Variants in MICU1 observed in about 807,000 individuals in gnomAD.
MICU1 encodes the protein mitochondrial calcium uptake 1, also known as calcium uptake protein 1, mitochondrial.
A neutral mutation model predicts 56.8 loss-of-function variants in MICU1; 45 were observed. That is an observed-to-expected ratio of 0.79 (90% confidence interval 0.62 to 1.02). MICU1 has a LOEUF of 1.02. Ranked by LOEUF, MICU1 falls within the 50% of genes least tolerant of loss-of-function variation. The probability of loss-of-function intolerance (pLI) is 0.00; values close to 1 mark genes in which losing one functional copy is unlikely to be tolerated. For synonymous variants in MICU1, 186 were observed against 195.1 expected, an observed-to-expected ratio of 0.95 and a Z score of 0.39; for missense variants, 504 against 587.1, an observed-to-expected ratio of 0.86 and a Z score of 1.46.
Position 72,508,320 on chromosome 10 carries a change from G to C in MICU1, c.538-51C>G, listed in dbSNP as rs553664754. The C allele has an allele frequency of 6.8e-6, 5 of 730,440 alleles. No homozygotes were observed. The East Asian group carries it at 1.4e-4, about 21-fold the overall frequency. The allele number at this position is 730,440 out of a possible 1,614,324, so 45.2% of individuals were successfully genotyped here. ...AAGACAAAAATATATAAGTGAATTA[G>C]AATATAAATAGTAAGAGATGAATCA... On this transcript the variant is annotated intron_variant, in intron 5 of 11. Transcript: ENST00000361114.
At chr10:72,411,388 CG>C (rs2132111927) in intron 9 of MICU1, among the ~76,000 whole-genome samples, 1 of 150,940 alleles carries the variant, frequency 6.6e-6, no homozygotes, top group Admixed American at 6.6e-5. Flanking sequence ...AGTGCAGTGG[CG>C]CGATCTCGGC....
intron 6 of MICU1, among the ~76,000 whole-genome samples, chr10:72,480,161 G>A (rs944836732): frequency 3.9e-5 from 6 of 152,154 alleles, no homozygotes; most frequent in Non-Finnish European, 7.3e-5. Context: ...ATGGAGAGGA[G>A]GGACACATTT....
chr10:72,412,621 C>A (rs530470029), intron 9 of MICU1, among the ~76,000 whole-genome samples: 4 of 151,960 alleles, frequency 2.6e-5, no homozygotes, highest in Non-Finnish European at 5.9e-5. Flanking sequence ...GAGGTCGAGG[C>A]GGCTCGATCA....
chr10:72,486,625 C>A (rs920795891), intron 6 of MICU1, among the ~76,000 whole-genome samples: 1 of 152,188 alleles, frequency 6.6e-6, no homozygotes, highest in Non-Finnish European at 1.5e-5. Context: ...GCGTGAGCCA[C>A]CACATCTGGC....
chr10:72,403,156 T>C (rs904638118), intron 10 of MICU1, among the ~76,000 whole-genome samples: 9 of 151,906 alleles, frequency 5.9e-5, no homozygotes, highest in African/African-American at 2.2e-4. Flanking sequence ...GGTGGGTGGA[T>C]CATGAGGTCA....
chr10:72,607,197 C>T (rs1225126423), intron 1 of MICU1, among the ~76,000 whole-genome samples: 6 of 150,622 alleles, frequency 4.0e-5, no homozygotes, highest in Non-Finnish European at 7.4e-5. Flanking sequence ...AAAAATTAGC[C>T]GGGCGTCATG....
At chr10:72,488,993 G>A (rs1866561339) in intron 6 of MICU1, among the ~76,000 whole-genome samples, 1 of 152,096 alleles carries the variant, frequency 6.6e-6, no homozygotes, top group Non-Finnish European at 1.5e-5. Flanking sequence ...CTGTTACTTA[G>A]ATGTAGCTTA....
At chr10:72,521,732 A>T (rs80044193) in intron 5 of MICU1, among the ~76,000 whole-genome samples, 4,154 of 152,152 alleles carry the variant, frequency 0.027, 185 homozygotes, top group African/African-American at 0.096. Flanking sequence ...TATTGTTCAC[A>T]ATTTCTGGAA....
intron 9 of MICU1, among the ~76,000 whole-genome samples, chr10:72,421,020 AAT>A (rs1256800416): frequency 3.3e-4 from 42 of 126,620 alleles, no homozygotes; most frequent in East Asian, 2.7e-3. Context: ...AAAAAAAAAT[AAT>A]AATAATAATA....
intron 1 of MICU1, among the ~76,000 whole-genome samples, chr10:72,611,098 A>ACT (rs1394529089): frequency 1.8e-4 from 26 of 146,540 alleles, no homozygotes; most frequent in Middle Eastern, 8.1e-3. Flanking sequence ...AGGTCAGGCG[A>ACT]TGGAGACTAT....
At chr10:72,611,775 A>G (rs951068176) in intron 1 of MICU1, among the ~76,000 whole-genome samples, 2 of 152,056 alleles carry the variant, frequency 1.3e-5, no homozygotes, top group Non-Finnish European at 2.9e-5. Context: ...ACATTTTTCA[A>G]AATTTCAGTA....
chr10:72,520,874 TAGA>T (rs967828433), intron 5 of MICU1, among the ~76,000 whole-genome samples: 10 of 152,120 alleles, frequency 6.6e-5, no homozygotes, highest in Admixed American at 4.6e-4. Flanking sequence ...ATCAAAACTC[TAGA>T]AGGAGAAAAT....
intron 6 of MICU1, among the ~76,000 whole-genome samples, chr10:72,506,383 T>C (rs1176796175): frequency 6.6e-6 from 1 of 152,244 alleles, no homozygotes; most frequent in Non-Finnish European, 1.5e-5. Flanking sequence ...TTGCTACAAC[T>C]ACTTACAAGT....
intron 1 of MICU1, among the ~76,000 whole-genome samples, chr10:72,606,953 T>C (rs1181286813): frequency 6.6e-6 from 1 of 152,188 alleles, no homozygotes; most frequent in Non-Finnish European, 1.5e-5. Flanking sequence ...GGTGAACTCA[T>C]GAAGGCATAA....
intron 1 of MICU1, among the ~76,000 whole-genome samples, chr10:72,610,316 CTTT>C (rs928234803): frequency 6.0e-5 from 9 of 150,990 alleles, no homozygotes; most frequent in African/African-American, 2.4e-5. Context: ...TTTTACGACA[CTTT>C]TTTTAAAGAA....
chr10:72,477,877 CT>C (rs796702214), intron 6 of MICU1, among the ~76,000 whole-genome samples: 59 of 137,158 alleles, frequency 4.3e-4, no homozygotes, highest in Admixed American at 5.1e-4. Flanking sequence ...ATTTTTTTTT[CT>C]TTTTTTTTTT....
chr10:72,414,876 C>G (rs111896373), intron 9 of MICU1, among the ~76,000 whole-genome samples: 1 of 152,092 alleles, frequency 6.6e-6, no homozygotes, highest in Admixed American at 6.6e-5. Context: ...TCAGTCACAG[C>G]AAATCCGTCT....
intron 3 of MICU1, among the ~76,000 whole-genome samples, chr10:72,554,004 C>A (rs1840099586): frequency 6.6e-6 from 1 of 152,072 alleles, no homozygotes; most frequent in African/African-American, 2.4e-5. Context: ...AAAAGATATA[C>A]TAAGATAATT....
chr10:72,531,932 G>A (rs1328439098), intron 5 of MICU1, among the ~76,000 whole-genome samples: 27 of 139,768 alleles, frequency 1.9e-4, no homozygotes, highest in East Asian at 4.3e-4. Flanking sequence ...ACGGAGTCTC[G>A]CTCTGTTGCC....
Sources: allele counts gnomAD v4.1 joint callset (sites outside exome capture counted in the v4.1 genomes callset), GRCh38; gene constraint gnomAD v4.1.1; transcripts MANE v1.5; gene names NCBI Gene and HGNC (gene_info 2026-07-23, HGNC 2026-07-21).